The following LAMA2 variants were observed in gnomAD, a reference collection of about 807,000 sequenced individuals.
The protein encoded by LAMA2 is laminin subunit alpha 2.
In LAMA2, 269 loss-of-function variants were observed where a neutral mutation model predicts 364.8. That is an observed-to-expected ratio of 0.74 (90% CI 0.67 to 0.82). LAMA2 has a LOEUF of 0.82. LAMA2 is among the 40% of genes least tolerant of loss of function. The pLI is 0.00. For synonymous variants in LAMA2, 1,379 were observed against 1,370.6 expected (o/e 1.01, Z -0.14); for missense variants, 3,807 against 3,873.2 (o/e 0.98, Z 0.45).
In LAMA2 at chr6:129,383,186, C is replaced by G; in HGVS notation, c.5024C>G (p.Ala1675Gly). Residue 1675 changes from alanine to glycine, a missense_variant, in exon 35 of 65, where the codon GCA becomes GGA. By Grantham distance (60) the Ala-to-Gly change is moderately conservative. Transcript: ENST00000421865. ...GQDAERTNTR[A>G]KSLGEFIKEL... ...GATGCTGAGAGGACCAACACAAGAG[C>G]AAAGTCCCTGGGAGAATTCATTAAG... 1 of 1,613,868 alleles carries G rather than the reference C, an allele frequency of 6.2e-7. No individual in the cohort carries two copies.
At chr6:129,017,185 A>T (rs969925061) in intron 1 of LAMA2, among the ~76,000 whole-genome samples, 25 of 152,004 alleles carry the variant, frequency 1.6e-4, no homozygotes, top group South Asian at 8.3e-4. Context: ...ATGTAATATG[A>T]GTCAATTATT....
chr6:129,485,666 G>T (rs1784552425), intron 55 of LAMA2, among the ~76,000 whole-genome samples: 1 of 152,142 alleles, frequency 6.6e-6, no homozygotes, highest in Non-Finnish European at 1.5e-5. Context: ...TTGACAGATG[G>T]TGAGCACTTA....
At chr6:129,443,984 C>T (rs568751069) in intron 44 of LAMA2, among the ~76,000 whole-genome samples, 5 of 152,004 alleles carry the variant, frequency 3.3e-5, no homozygotes, top group African/African-American at 1.2e-4. Context: ...AATTTGAAGA[C>T]AGAAAATATT....
intron 56 of LAMA2, among the ~76,000 whole-genome samples, chr6:129,487,814 C>T (rs1784668342): frequency 6.6e-6 from 1 of 152,064 alleles, no homozygotes; most frequent in African/African-American, 2.4e-5. Context: ...AATGAGGGAT[C>T]ATTTATTTGG....
At chr6:128,980,159 G>A (rs1312803170) in intron 1 of LAMA2, among the ~76,000 whole-genome samples, 1 of 152,172 alleles carries the variant, frequency 6.6e-6, no homozygotes, top group African/African-American at 2.4e-5. Context: ...ATGAGAAAAG[G>A]CGATAATCAT....
In LAMA2 at chr6:129,453,132, G is replaced by A. The variant is rs757435241; in HGVS notation, c.6573+1G>A. 3 of 1,611,930 alleles carry A rather than the reference G, an allele frequency of 1.9e-6. No homozygotes were observed. The highest frequency in any genetic ancestry group is 2.5e-6 in the Non-Finnish European group (3 of 1,178,826). ...CTTTTATCTTGGAAGTGCCAAATTT[G>A]TAAGTCTAATATTCAACTTTTCATT... On this transcript the variant is annotated splice_donor_variant, in intron 46 of 64. Coordinates refer to ENST00000421865, the MANE Select transcript of LAMA2 (RefSeq NM_000426.4). LOFTEE classifies it high-confidence loss of function.
chr6:129,201,528 G>A (rs1322694375), intron 12 of LAMA2, among the ~76,000 whole-genome samples: 1 of 152,138 alleles, frequency 6.6e-6, no homozygotes, highest in Non-Finnish European at 1.5e-5. Flanking sequence ...CACCCAAAGT[G>A]GAATGTCTTC....
At chr6:129,057,556 C>T (rs1213940969) in intron 2 of LAMA2, among the ~76,000 whole-genome samples, 1 of 152,158 alleles carries the variant, frequency 6.6e-6, no homozygotes, top group African/African-American at 2.4e-5. Flanking sequence ...ATCGATCACA[C>T]ATTTATTTTT....
At chr6:128,949,916 T>G (rs934159015) in intron 1 of LAMA2, among the ~76,000 whole-genome samples, 4 of 152,210 alleles carry the variant, frequency 2.6e-5, no homozygotes, top group Non-Finnish European at 5.9e-5. Flanking sequence ...GATTTGAAAC[T>G]TTTTTGATAT....
At chr6:128,891,645 A>T (rs17722934) in intron 1 of LAMA2, among the ~76,000 whole-genome samples, 14,497 of 152,074 alleles carry the variant, frequency 0.095, 716 homozygotes, top group South Asian at 0.12. Context: ...CTAACATGAC[A>T]TTCTCTGGCT....
intron 12 of LAMA2, among the ~76,000 whole-genome samples, chr6:129,195,099 T>G (rs758165690): frequency 1.3e-5 from 2 of 152,206 alleles, no homozygotes; most frequent in Non-Finnish European, 2.9e-5. Flanking sequence ...CCTCTGCTTT[T>G]TTAGTGTTAT....
At chr6:128,937,596 T>A (rs1460471208) in intron 1 of LAMA2, among the ~76,000 whole-genome samples, 4 of 152,134 alleles carry the variant, frequency 2.6e-5, no homozygotes, top group Non-Finnish European at 5.9e-5. Context: ...GTATAATTGT[T>A]CATAGCAGTC....
intron 1 of LAMA2, among the ~76,000 whole-genome samples, chr6:128,976,595 G>A (rs999427990): frequency 6.6e-6 from 1 of 152,148 alleles, no homozygotes; most frequent in African/African-American, 2.4e-5. Context: ...GAAGAATCAT[G>A]ACAATAAGAA....
At chr6:129,309,907 T>TTTTTTTTTTTTTA (rs1774103617) in intron 22 of LAMA2, among the ~76,000 whole-genome samples, 1 of 144,452 alleles carries the variant, frequency 6.9e-6, no homozygotes, top group African/African-American at 2.7e-5. Flanking sequence ...TAATCATTTT[T>TTTTTTTTTTTTTA]TTTTTTTTTT....
At chr6:129,409,750 A>G (rs1026652210) in intron 40 of LAMA2, among the ~76,000 whole-genome samples, 3 of 152,180 alleles carry the variant, frequency 2.0e-5, no homozygotes, top group Non-Finnish European at 2.9e-5. Context: ...TTGACACCTC[A>G]AGGACTATTG....
At chr6:128,971,532 T>A (rs1455948676) in intron 1 of LAMA2, among the ~76,000 whole-genome samples, 1 of 152,012 alleles carries the variant, frequency 6.6e-6, no homozygotes, top group Non-Finnish European at 1.5e-5. Context: ...GGAGGATGCA[T>A]TGGTATTAAA....
chr6:129,515,577 G>A (rs1405460188), intron 64 of LAMA2, among the ~76,000 whole-genome samples: 2 of 152,124 alleles, frequency 1.3e-5, no homozygotes, highest in East Asian at 1.9e-4. Flanking sequence ...AACCTTTAGG[G>A]ATTTATTTTT....
chr6:128,989,979 T>G (rs925460353), intron 1 of LAMA2, among the ~76,000 whole-genome samples: 6 of 152,128 alleles, frequency 3.9e-5, no homozygotes, highest in Non-Finnish European at 7.4e-5. Flanking sequence ...CCTCCTGATA[T>G]CCTCACATTG....
intron 45 of LAMA2, among the ~76,000 whole-genome samples, chr6:129,447,765 G>A (rs367696686): frequency 5.9e-5 from 9 of 152,272 alleles, no homozygotes; most frequent in African/African-American, 1.9e-4. Flanking sequence ...AGAACGTGAT[G>A]TACCACTCCT....
Sources: allele counts gnomAD v4.1 joint callset (sites outside exome capture counted in the v4.1 genomes callset), GRCh38; gene constraint gnomAD v4.1.1; transcripts MANE v1.5; gene names NCBI Gene and HGNC (gene_info 2026-07-23, HGNC 2026-07-21).